The following JAKMIP1 variants were observed in gnomAD, a reference collection of about 807,000 sequenced individuals.
JAKMIP1 encodes the protein janus kinase and microtubule-interacting protein 1.
JAKMIP1 carries 33 observed loss-of-function variants against 113.0 expected under a neutral mutation model. The ratio of observed to expected loss-of-function variants is 0.29; its 90% confidence interval spans 0.22 to 0.39. JAKMIP1 has a LOEUF of 0.39. JAKMIP1 is among the 10% of genes least tolerant of loss of function. The pLI, the probability that JAKMIP1 is intolerant of heterozygous loss-of-function variation, is 1.00. For synonymous variants in JAKMIP1, 480 were observed against 459.9 expected (o/e 1.04, Z -0.56); for missense variants, 813 against 1,080.5 (o/e 0.75, Z 3.47).
intron 1 of JAKMIP1, among the ~76,000 whole-genome samples, chr4:6,119,577 A>AT (rs1308237284): frequency 6.6e-6 from 1 of 152,092 alleles, no homozygotes; most frequent in Non-Finnish European, 1.5e-5. Flanking sequence ...CAACAAAAAA[A>AT]AACCACTCCT....
chr4:6,100,199 T>C (rs759111601), intron 3 of JAKMIP1, among the ~76,000 whole-genome samples: 3 of 152,236 alleles, frequency 2.0e-5, no homozygotes, highest in Non-Finnish European at 4.4e-5. Context: ...TTTCAGAACC[T>C]TCCTCGCCCA....
At chr4:6,109,124 CTTTTTTTTTTTTTT>C (rs71173408) in intron 2 of JAKMIP1, among the ~76,000 whole-genome samples, 3 of 96,860 alleles carry the variant, frequency 3.1e-5, no homozygotes, top group African/African-American at 8.1e-5. Context: ...CCTGGGGCAC[CTTTTTTTTTTTTTT>C]TTTTTTTTTT....
chr4:6,083,394 C>G (rs1287328916), intron 5 of JAKMIP1, among the ~76,000 whole-genome samples: 3 of 145,156 alleles, frequency 2.1e-5, no homozygotes, highest in Non-Finnish European at 3.0e-5. Flanking sequence ...CAGAGCAAGA[C>G]TCCACCTCAA....
chr4:6,177,353 C>G (rs751177503), intron 1 of JAKMIP1, among the ~76,000 whole-genome samples: 3 of 152,142 alleles, frequency 2.0e-5, no homozygotes, highest in Non-Finnish European at 2.9e-5. Context: ...GGATTTGAAC[C>G]CAGCCCCTTT....
rs1046316365 is a variant in JAKMIP1 at position 6,163,235 on chromosome 4, C to A, written c.-148+37018G>T. 3.3e-5 allele frequency among the ~76,000 whole-genome samples: 5 copies of A among 152,230 alleles called. 1 individual carries two copies. The highest frequency in any genetic ancestry group is 7.3e-5 in the Non-Finnish European group (5 of 68,050). On this transcript the variant is annotated intron_variant, in intron 1 of 20. Coordinates refer to ENST00000409021, the MANE Select transcript of JAKMIP1 (RefSeq NM_001099433.2). ...TTTTTGACAAATTGAAGGGTTGTGGCAACCCTGTGATGAGCAAGTCTATCC... is the reference window on the plus strand; with the variant it reads ...TTTTTGACAAATTGAAGGGTTGTGGAAACCCTGTGATGAGCAAGTCTATCC...
Position 6,143,605 on chromosome 4 carries a change from C to T in JAKMIP1, c.-147-30608G>A, listed in dbSNP as rs1720453331. On this transcript the variant is annotated intron_variant, in intron 1 of 20. Coordinates refer to ENST00000409021, the MANE Select transcript of JAKMIP1 (RefSeq NM_001099433.2). The surrounding 1 kb of genome is among the most constrained non-coding windows in gnomAD (Gnocchi z 4.9). ...GTTAATTTTGGCACCTCCCCTAGAA[C>T]AGCAGTTCTCTGAGTGAGATCCTTA... Among the ~76,000 whole-genome samples the T allele has an allele frequency of 6.6e-6, 1 of 152,194 alleles. No individual in the cohort carries two copies. The highest frequency in any genetic ancestry group is 2.1e-4 in the South Asian group (1 of 4,824).
rs151273793 is a variant in JAKMIP1 at position 6,197,515 on chromosome 4, G to T, written c.-148+2738C>A. Among the ~76,000 whole-genome samples the T allele has an allele frequency of 4.6e-5, 7 of 152,318 alleles. No individual in the cohort carries two copies. In the East Asian group the frequency reaches 1.4e-3, roughly 29 times the overall value. ...GCCCCCTTTTATACAGGAAATGGAG[G>T]CTCAGAGAGGTTAATCTTCTTACCC... On this transcript the variant is annotated intron_variant, in intron 1 of 20. Coordinates refer to ENST00000409021, the MANE Select transcript of JAKMIP1 (RefSeq NM_001099433.2). This position sits in a 1 kb window ranked among gnomAD's most constrained non-coding sequence, Gnocchi z 6.5.
At position 6,168,251 on chromosome 4, in the gene JAKMIP1, G is replaced by A. The variant is rs1166336906; in HGVS notation, c.-148+32002C>T. Among the ~76,000 whole-genome samples the A allele has an allele frequency of 6.6e-6, 1 of 152,178 alleles. No homozygotes were observed. Among genetic ancestry groups the A allele is most frequent in the Admixed American group, 6.5e-5 (1 of 15,270 alleles). Reference sequence around the variant, plus strand: ...CTGGTGGTTCCTTAAAATGTGAAACGCAGAATCACCCTGTGACCTCGCAGT... The same window carrying A: ...CTGGTGGTTCCTTAAAATGTGAAACACAGAATCACCCTGTGACCTCGCAGT... On this transcript the variant is annotated intron_variant, in intron 1 of 20. Coordinates refer to ENST00000409021, the MANE Select transcript of JAKMIP1 (RefSeq NM_001099433.2). This position sits in a 1 kb window ranked among gnomAD's most constrained non-coding sequence, Gnocchi z 4.6.
At position 6,086,268 on chromosome 4, in the gene JAKMIP1, T is replaced by A. The variant is rs545961147; in HGVS notation, c.625-639A>T. On this transcript the variant is annotated intron_variant, in intron 3 of 20. Coordinates refer to ENST00000409021, the MANE Select transcript of JAKMIP1 (RefSeq NM_001099433.2). The surrounding 1 kb of genome is among the most constrained non-coding windows in gnomAD (Gnocchi z 4.1). ...CATTGAAGCCTGGAGTTTCCAAGGC[T>A]CGGGCCTCTTCTCACTCTATATCCT... Among the ~76,000 whole-genome samples, 22 of 152,128 alleles carry A rather than the reference T, an allele frequency of 1.4e-4. No individual in the cohort carries two copies. The highest frequency in any genetic ancestry group is 3.1e-4 in the Non-Finnish European group (21 of 68,032).
chr4:6,184,604 C>A lies in JAKMIP1; in HGVS notation c.-148+15649G>T, dbSNP rs558675671. Among the ~76,000 whole-genome samples, 32 of 152,290 alleles carry A rather than the reference C, an allele frequency of 2.1e-4. No individual in the cohort carries two copies. The highest frequency in any genetic ancestry group is 3.8e-4 in the Non-Finnish European group (26 of 68,020). ...GAGCTGCTGTCTGCACTCTAGGAAACAAGGGTCCCCCGCGCTCACCTGTAG... is the reference window on the plus strand; with the variant it reads ...GAGCTGCTGTCTGCACTCTAGGAAAAAAGGGTCCCCCGCGCTCACCTGTAG... On this transcript the variant is annotated intron_variant, in intron 1 of 20. Transcript: ENST00000409021. This position sits in a 1 kb window ranked among gnomAD's most constrained non-coding sequence, Gnocchi z 4.5.
intron 3 of JAKMIP1, among the ~76,000 whole-genome samples, chr4:6,101,863 G>A (rs960318836): frequency 4.1e-5 from 6 of 146,750 alleles, no homozygotes; most frequent in African/African-American, 1.3e-4. Context: ...TTGAGATCAT[G>A]CCACTGCACT....
chr4:6,066,526 T>C (rs1473245304), intron 8 of JAKMIP1, among the ~76,000 whole-genome samples: 1 of 152,110 alleles, frequency 6.6e-6, no homozygotes, highest in Admixed American at 6.5e-5. Context: ...CTTTATGGCA[T>C]TGTGGAATCC....
intron 5 of JAKMIP1, among the ~76,000 whole-genome samples, chr4:6,082,988 G>GA (rs1353081367): frequency 1.3e-5 from 2 of 151,604 alleles, no homozygotes; most frequent in South Asian, 2.1e-4. Context: ...ACACAGCAGG[G>GA]AAAAAAATCC....
chr4:6,046,577 C>T (rs957814393), intron 16 of JAKMIP1, among the ~76,000 whole-genome samples: 12 of 118,274 alleles, frequency 1.0e-4, no homozygotes, highest in South Asian at 9.1e-4. Flanking sequence ...CAGGGGCAGG[C>T]GGGCGGCAGT....
chr4:6,131,802 T>C (rs998948425), intron 1 of JAKMIP1, among the ~76,000 whole-genome samples: 4 of 152,280 alleles, frequency 2.6e-5, no homozygotes, highest in African/African-American at 9.6e-5. Context: ...GGGAAATACT[T>C]AAAGTGATGA....
Position 6,088,449 on chromosome 4 carries a change from C to T in JAKMIP1, c.625-2820G>A, listed in dbSNP as rs1033732739. ...ACTAGCTCCCCACAAAAGACAGCAC[C>T]GTCGCGAGCAAGACATCTCCAGGAT... On this transcript the variant is annotated intron_variant, in intron 3 of 20. Coordinates refer to ENST00000409021, the MANE Select transcript of JAKMIP1 (RefSeq NM_001099433.2). The surrounding 1 kb of genome is among the most constrained non-coding windows in gnomAD (Gnocchi z 5.5). 8.5e-5 allele frequency among the ~76,000 whole-genome samples: 13 copies of T among 152,180 alleles called. No homozygotes were observed. Among genetic ancestry groups the T allele is most frequent in the African/African-American group, 2.4e-4 (10 of 41,446 alleles).
chr4:6,173,847 G>A (rs552125948), intron 1 of JAKMIP1, among the ~76,000 whole-genome samples: 146 of 152,272 alleles, frequency 9.6e-4, no homozygotes, highest in African/African-American at 2.9e-3. Context: ...AGGCCAAGGC[G>A]GGCGGATCGC....
intron 1 of JAKMIP1, among the ~76,000 whole-genome samples, chr4:6,145,778 T>G (rs186362165): frequency 3.2e-4 from 49 of 152,322 alleles, no homozygotes; most frequent in African/African-American, 1.1e-3. Flanking sequence ...CCTCCTTGGC[T>G]TGTAGACCCT....
rs754215820 is a variant in JAKMIP1 at position 6,158,697 on chromosome 4, GT to G, written c.-148+41555del. Among the ~76,000 whole-genome samples the G allele has an allele frequency of 8.6e-5, 13 of 151,920 alleles. No homozygotes were observed. The highest frequency in any genetic ancestry group is 1.9e-4 in the Non-Finnish European group (13 of 68,032). The stretch of plus-strand genomic sequence containing the variant: ...TTTTTAGGTTAGGAAAGAAAATTTG[GT>G]TTGAAAATTTATTGGATAAAAATAG... On this transcript the variant is annotated intron_variant, in intron 1 of 20. Coordinates refer to ENST00000409021, the MANE Select transcript of JAKMIP1 (RefSeq NM_001099433.2). The surrounding 1 kb of genome is among the most constrained non-coding windows in gnomAD (Gnocchi z 5.3).
Sources: gnomAD v4.1 joint callset for allele counts (sites outside exome capture counted in the v4.1 genomes callset) on GRCh38, gnomAD v4.1.1 for gene constraint, Gnocchi (gnomAD v3.1) non-coding constraint, MANE v1.5 for transcripts, NCBI Gene and HGNC (gene_info 2026-07-23, HGNC 2026-07-21) for gene names.